The following SLC39A11 variants were observed in gnomAD, a reference collection of about 807,000 sequenced individuals.
SLC39A11 encodes the protein solute carrier family 39 member 11, also known as zinc transporter ZIP11.
In SLC39A11, 33 loss-of-function variants were observed where a neutral mutation model predicts 36.1. The ratio of observed to expected loss-of-function variants is 0.91; its 90% CI spans 0.69 to 1.22. The LOEUF (loss-of-function observed/expected upper bound fraction) is 1.22. SLC39A11 is among the 50% of genes most tolerant of loss of function. SLC39A11 has a pLI of 0.00. For synonymous variants in SLC39A11, 166 were observed against 170.3 expected (o/e 0.97, Z 0.20); for missense variants, 432 against 430.3 (o/e 1.00, Z -0.03).
At chr17:72,933,802 G>A (rs2084575474) in intron 5 of SLC39A11, among the ~76,000 whole-genome samples, 1 of 152,194 alleles carries the variant, frequency 6.6e-6, no homozygotes, top group Admixed American at 6.5e-5. Context: ...TTACAGGCGT[G>A]AGCCACCACG....
At chr17:72,800,267 A>G (rs918793600) in intron 6 of SLC39A11, among the ~76,000 whole-genome samples, 4 of 151,370 alleles carry the variant, frequency 2.6e-5, no homozygotes, top group African/African-American at 9.7e-5. Context: ...TCCAAACTAC[A>G]TAAAATGCTC....
intron 6 of SLC39A11, among the ~76,000 whole-genome samples, chr17:72,827,849 C>T (rs1051835890): frequency 2.6e-5 from 4 of 152,210 alleles, no homozygotes; most frequent in African/African-American, 9.6e-5. Flanking sequence ...CACTCGCAGA[C>T]AGACCCCTGG....
At chr17:72,969,888 A>T (rs1406526784) in intron 4 of SLC39A11, among the ~76,000 whole-genome samples, 1 of 152,194 alleles carries the variant, frequency 6.6e-6, no homozygotes, top group Non-Finnish European at 1.5e-5. Context: ...ATTCTGCCCA[A>T]GCCTGGCAGG....
intron 5 of SLC39A11, among the ~76,000 whole-genome samples, chr17:72,937,556 G>A (rs1010065094): frequency 1.3e-5 from 2 of 152,208 alleles, no homozygotes; most frequent in Admixed American, 6.5e-5. Flanking sequence ...GCGCTACAGA[G>A]GAGTTAGGAA....
At chr17:72,848,682 C>T (rs1402539310) in intron 6 of SLC39A11, among the ~76,000 whole-genome samples, 1 of 151,028 alleles carries the variant, frequency 6.6e-6, no homozygotes, top group Non-Finnish European at 1.5e-5. Context: ...GATCGCTCCA[C>T]TGCACTCCAG....
intron 5 of SLC39A11, among the ~76,000 whole-genome samples, chr17:72,910,160 C>T (rs547435365): frequency 7.2e-5 from 11 of 152,108 alleles, no homozygotes; most frequent in South Asian, 2.1e-4. Context: ...GCTGATATTA[C>T]GAAGAGGGGA....
rs1381275738 is a variant in SLC39A11, at chr17:73,047,008, TTC to T, written c.148-15296_148-15295del. Among the ~76,000 whole-genome samples the T allele has an allele frequency of 1.0e-4, 15 of 149,590 alleles. No homozygotes were observed. The Admixed American group carries it at 1.0e-3, about 10-fold the overall frequency. On this transcript the variant is annotated intron_variant, in intron 3 of 9. Coordinates refer to ENST00000255559, the MANE Select transcript of SLC39A11 (RefSeq NM_139177.4). ...CCTAGTAGAAAGAAGAACCACCTTC[TTC>T]TTTTTTTATTTTATTTATTTTTTTT...
intron 6 of SLC39A11, among the ~76,000 whole-genome samples, chr17:72,752,124 T>C (rs1209188413): frequency 2.0e-5 from 3 of 152,206 alleles, no homozygotes; most frequent in Non-Finnish European, 2.9e-5. Flanking sequence ...TCCTACGGGA[T>C]GTGTGGGTGA....
chr17:72,722,324 G>A lies in SLC39A11; in HGVS notation c.671+14326C>T, dbSNP rs142084834. ...AGGGAACACATTTTAAAAATACACC[G>A]TCCAATTTCAAGAAACTAGATTTTC... On this transcript the variant is annotated intron_variant, in intron 7 of 9. Coordinates refer to ENST00000255559, the MANE Select transcript of SLC39A11 (RefSeq NM_139177.4). 1.5e-3 allele frequency among the ~76,000 whole-genome samples: 232 copies of A among 152,208 alleles called. 1 individual carries two copies. Among genetic ancestry groups the A allele is most frequent in the African/African-American group, 5.1e-3 (211 of 41,530 alleles).
intron 5 of SLC39A11, among the ~76,000 whole-genome samples, chr17:72,947,058 T>C (rs1166750036): frequency 6.6e-6 from 1 of 152,240 alleles, no homozygotes; most frequent in Non-Finnish European, 1.5e-5. Context: ...CAGTGGCTCA[T>C]GCCTGTAATT....
At chr17:72,958,629 T>A (rs1052829845) in intron 4 of SLC39A11, among the ~76,000 whole-genome samples, 1 of 152,104 alleles carries the variant, frequency 6.6e-6, no homozygotes, top group Non-Finnish European at 1.5e-5. Flanking sequence ...GGAAGGCATA[T>A]CACCTGGGAT....
intron 6 of SLC39A11, among the ~76,000 whole-genome samples, chr17:72,811,778 C>T (rs1264456958): frequency 6.6e-6 from 1 of 152,192 alleles, no homozygotes; most frequent in African/African-American, 2.4e-5. Context: ...TCCTCCCTTT[C>T]AACCAGACAC....
At chr17:73,081,670 C>CATATATGTATATATATATGT (rs1568242944) in intron 3 of SLC39A11, among the ~76,000 whole-genome samples, 1 of 82,200 alleles carries the variant, frequency 1.2e-5, no homozygotes, top group African/African-American at 5.2e-5. Flanking sequence ...CACACACACA[C>CATATATGTATATATATATGT]ATATATATAC....
rs145451899 is a variant in SLC39A11, at chr17:72,800,768, G to A, written c.601+48866C>T. ...TGGCTCAAAAGGAAGCAGGGTGTTC[G>A]CAAATAGAGAATTGAGAGGGAGAAA... On this transcript the variant is annotated intron_variant, in intron 6 of 9. Coordinates refer to ENST00000255559, the MANE Select transcript of SLC39A11 (RefSeq NM_139177.4). Among the ~76,000 whole-genome samples, 268 of 152,266 alleles carry A rather than the reference G, an allele frequency of 1.8e-3. 1 individual carries two copies. Among genetic ancestry groups the A allele is most frequent in the African/African-American group, 6.1e-3 (253 of 41,556 alleles).
chr17:73,017,532 G>A (rs2058207661), intron 4 of SLC39A11, among the ~76,000 whole-genome samples: 1 of 152,064 alleles, frequency 6.6e-6, no homozygotes, highest in Non-Finnish European at 1.5e-5. Flanking sequence ...GAGCATCATG[G>A]TGAAACCCCC....
chr17:72,953,902 G>A (rs1283001276), intron 4 of SLC39A11, among the ~76,000 whole-genome samples: 1 of 152,174 alleles, frequency 6.6e-6, no homozygotes, highest in East Asian at 1.9e-4. Flanking sequence ...CCTGACCTCC[G>A]CCAAACCCGC....
chr17:72,860,475 T>C (rs1269621247), intron 5 of SLC39A11, among the ~76,000 whole-genome samples: 1 of 152,202 alleles, frequency 6.6e-6, no homozygotes, highest in Admixed American at 6.5e-5. Flanking sequence ...TGTCATTTCC[T>C]CCAGTTCCTC....
intron 5 of SLC39A11, among the ~76,000 whole-genome samples, chr17:72,912,527 T>C (rs925522824): frequency 6.6e-6 from 1 of 151,000 alleles, no homozygotes; most frequent in Non-Finnish European, 1.5e-5. Flanking sequence ...CTTGAATTCC[T>C]GGGCTCAAGT....
At chr17:72,968,147 G>A (rs755190418) in intron 4 of SLC39A11, among the ~76,000 whole-genome samples, 11 of 152,204 alleles carry the variant, frequency 7.2e-5, no homozygotes, top group African/African-American at 2.7e-4. Flanking sequence ...AGGAGCTGAT[G>A]CATGTCCAGA....
Sources: gnomAD v4.1 joint callset for allele counts (sites outside exome capture counted in the v4.1 genomes callset) on GRCh38, gnomAD v4.1.1 for gene constraint, MANE v1.5 for transcripts, NCBI Gene and HGNC (gene_info 2026-07-23, HGNC 2026-07-21) for gene names.